COL21A1: variants seen among roughly 807,000 people sequenced by gnomAD.
COL21A1 encodes the protein collagen type XXI alpha 1 chain.
A neutral mutation model predicts 137.9 loss-of-function variants in COL21A1; 149 were observed. The ratio of observed to expected loss-of-function variants is 1.08; its 90% CI spans 0.95 to 1.24. The LOEUF (loss-of-function observed/expected upper bound fraction) is 1.24. COL21A1 is among the 50% of genes most tolerant of loss of function. COL21A1 has a pLI of 0.00. For missense variants in COL21A1, 1,167 were observed against 1,158.4 expected (o/e 1.01, Z -0.11); for synonymous variants, 456 against 391.5 (o/e 1.16, Z -1.95).
At chr6:56,186,352 A>G (rs1241837102) in intron 1 of COL21A1, among the ~76,000 whole-genome samples, 3 of 152,206 alleles carry the variant, frequency 2.0e-5, no homozygotes, top group African/African-American at 7.2e-5. Flanking sequence ...GACTTAACCT[A>G]TGAATGTGAA....
In COL21A1 at chr6:56,312,215, G is replaced by T. The variant is rs116272032; in HGVS notation, c.-39+81756C>A. Reference sequence around the variant, plus strand: ...TGTTTGATCTAGCTGTACTATAAAAGATTTAAGTGGGTCAACAATGGAAGC... The same window carrying T: ...TGTTTGATCTAGCTGTACTATAAAATATTTAAGTGGGTCAACAATGGAAGC... On this transcript the variant is annotated intron_variant, in intron 1 of 28. Transcript: ENST00000370819. Among the ~76,000 whole-genome samples, 358 of 152,288 alleles carry T rather than the reference G, an allele frequency of 2.4e-3. 2 individuals carry two copies. Among genetic ancestry groups the T allele is most frequent in the African/African-American group, 8.2e-3 (342 of 41,566 alleles).
chr6:56,151,522 AGAAAGAAATGG>A, intron 10 of COL21A1, among the ~76,000 whole-genome samples: 1 of 152,334 alleles, frequency 6.6e-6, no homozygotes, highest in Middle Eastern at 3.4e-3. Flanking sequence ...CAAAGAACTG[AGAAAGAAATGG>A]AAGGATCTGA....
chr6:56,367,472 G>T (rs1351778384), intron 1 of COL21A1, among the ~76,000 whole-genome samples: 1 of 152,142 alleles, frequency 6.6e-6, no homozygotes, highest in Non-Finnish European at 1.5e-5. Context: ...AGAGAAACAA[G>T]AGAAAACACT....
Position 56,166,930 on chromosome 6 carries a change from C to G in COL21A1, c.1254G>C (p.Glu418Asp), listed in dbSNP as rs1456833978. The G allele has an allele frequency of 6.2e-7, 1 of 1,612,762 alleles. No homozygotes were observed. Among genetic ancestry groups the G allele is most frequent in the Admixed American group, 1.7e-5 (1 of 59,948 alleles). Residue 418 changes from glutamate (E) to aspartate (D), a missense_variant, in exon 7 of 30, where the codon GAG (glutamate) becomes GAC (aspartate). Glu to Asp is a conservative substitution (Grantham distance 45, BLOSUM62 2). Transcript: ENST00000244728. The part of the protein sequence containing the change: ...IYCDPEQNNR[E>D]TACEIPGFNG... ...CAAATCCAGGAATCTCACATGCTGT[C>G]TCCCGGTTGTTCTGTTCTGGGTCAC...
chr6:56,081,535 A>G (rs551760331), intron 17 of COL21A1, among the ~76,000 whole-genome samples: 25 of 149,336 alleles, frequency 1.7e-4, no homozygotes, highest in African/African-American at 5.6e-4. Flanking sequence ...GAACCCTGCA[A>G]TGTTTTTCAA....
chr6:56,086,068 AG>A (rs1478900459), intron 17 of COL21A1, among the ~76,000 whole-genome samples: 1 of 151,530 alleles, frequency 6.6e-6, no homozygotes, highest in Non-Finnish European at 1.5e-5. Flanking sequence ...GATTGTCATC[AG>A]GGGTTTTAAA....
In COL21A1 at chr6:56,375,659, C is replaced by T. The variant is rs146682600; in HGVS notation, c.-39+18312G>A. ...CCCTTTACACAGTGGTTTTCATATT[C>T]CTTAGTCACATCATTTGTTCATGCC... On this transcript the variant is annotated intron_variant, in intron 1 of 28. Coordinates refer to the COL21A1 transcript ENST00000370819. Among the ~76,000 whole-genome samples the T allele has an allele frequency of 3.9e-3, 589 of 152,286 alleles. 3 individuals carry two copies. The highest frequency in any genetic ancestry group is 5.2e-3 in the Non-Finnish European group (357 of 68,018).
At chr6:56,283,800 A>T (rs1395734310) in intron 1 of COL21A1, among the ~76,000 whole-genome samples, 1 of 152,144 alleles carries the variant, frequency 6.6e-6, no homozygotes, top group Non-Finnish European at 1.5e-5. Flanking sequence ...ATTCCAATAC[A>T]AAAAGGATGC....
chr6:56,259,927 AATATG>A (rs1304139911), intron 1 of COL21A1, among the ~76,000 whole-genome samples: 3 of 152,240 alleles, frequency 2.0e-5, no homozygotes, highest in African/African-American at 7.2e-5. Context: ...TCTATGCTGT[AATATG>A]ATATCCCGGA....
At chr6:56,115,850 C>G (rs1335865578) in intron 16 of COL21A1, among the ~76,000 whole-genome samples, 1 of 151,840 alleles carries the variant, frequency 6.6e-6, no homozygotes, top group East Asian at 1.9e-4. Context: ...AGAAACAAAG[C>G]AGAAATTCTG....
At chr6:56,212,300 T>C (rs1305901868) in intron 1 of COL21A1, among the ~76,000 whole-genome samples, 2 of 152,000 alleles carry the variant, frequency 1.3e-5, no homozygotes, top group East Asian at 1.9e-4. Context: ...GAGATCACCA[T>C]TGATACATAT....
intron 28 of COL21A1, 85 bp downstream of exon 28, chr6:56,059,933 A>G (rs1340250747): frequency 2.2e-6 from 2 of 910,982 alleles, no homozygotes; most frequent in African/African-American, 3.5e-5. Context: ...AAAAAAGTTA[A>G]CTCGACTATT....
At chr6:56,352,522 T>A (rs1765732174) in intron 1 of COL21A1, among the ~76,000 whole-genome samples, 1 of 150,078 alleles carries the variant, frequency 6.7e-6, no homozygotes, top group South Asian at 2.1e-4. Flanking sequence ...GAATCTGAAT[T>A]CAGAGAATGC....
At chr6:56,062,771 T>A (rs1765918456) in intron 24 of COL21A1, among the ~76,000 whole-genome samples, 1 of 152,166 alleles carries the variant, frequency 6.6e-6, no homozygotes, top group Admixed American at 6.6e-5. Context: ...ACTTGAATTT[T>A]GTTTCTGAAG....
At chr6:56,168,850 A>T (rs543815047) in intron 5 of COL21A1, among the ~76,000 whole-genome samples, 11 of 151,878 alleles carry the variant, frequency 7.2e-5, no homozygotes, top group Non-Finnish European at 1.3e-4. Context: ...CTCCAGGCCA[A>T]TTATCACTGG....
At chr6:56,276,748 T>C in intron 1 of COL21A1, 1 of 1,275,026 alleles carries the variant, frequency 7.8e-7, no homozygotes, top group South Asian at 1.2e-5. Flanking sequence ...CCATCAAGTA[T>C]CCAAATCATC....
chr6:56,152,694 G>C lies in COL21A1; in HGVS notation c.1434+4193C>G, dbSNP rs1018787322. On this transcript the variant is annotated intron_variant, in intron 10 of 29. Coordinates refer to ENST00000244728, the MANE Select transcript of COL21A1 (RefSeq NM_030820.4). ...GGGAAGATTTTTTTTTTTAAACAAA[G>C]AAAACCAAGGGCTGATAGCCTGTGG... 2.0e-5 allele frequency among the ~76,000 whole-genome samples: 3 copies of C among 151,736 alleles called. No homozygotes were observed. In the East Asian group the frequency reaches 5.8e-4, roughly 29 times the overall value.
intron 25 of COL21A1, among the ~76,000 whole-genome samples, chr6:56,061,356 G>T (rs1183941188): frequency 6.6e-6 from 1 of 152,096 alleles, no homozygotes; most frequent in African/African-American, 2.4e-5. Flanking sequence ...TTGCATTTTA[G>T]TGGGTCCGAC....
chr6:56,182,496 T>C (rs1777975304), intron 2 of COL21A1, 35 bp downstream of exon 2: 1 of 1,377,550 alleles, frequency 7.3e-7, no homozygotes. Context: ...ATTAATTTGT[T>C]GATAACAAAA....
Sources: gnomAD v4.1 joint callset for allele counts (sites outside exome capture counted in the v4.1 genomes callset) on GRCh38, gnomAD v4.1.1 for gene constraint, MANE v1.5 for transcripts, NCBI Gene and HGNC (gene_info 2026-07-23, HGNC 2026-07-21) for gene names.